The following DCLK2 variants were observed in gnomAD, a reference collection of about 807,000 sequenced individuals.
The protein encoded by DCLK2 is doublecortin like kinase 2.
A neutral mutation model predicts 78.4 loss-of-function variants in DCLK2; 31 were observed. That is an observed-to-expected ratio of 0.40 (90% CI 0.30 to 0.53). The LOEUF is 0.53. Ranked by LOEUF, DCLK2 falls within the 20% of genes least tolerant of loss-of-function variation. The pLI, the probability that DCLK2 is intolerant of heterozygous loss-of-function variation, is 0.61. For missense variants in DCLK2, 872 were observed against 973.7 expected (o/e 0.90, Z 1.39); for synonymous variants, 407 against 374.9 (o/e 1.09, Z -0.99).
chr4:150,132,739 C>A (rs1389550238), intron 2 of DCLK2, among the ~76,000 whole-genome samples: 3 of 152,148 alleles, frequency 2.0e-5, no homozygotes, highest in Admixed American at 6.6e-5. Flanking sequence ...ACTATAGGCA[C>A]ATGCTACTTC....
chr4:150,169,288 G>A (rs1247885386), intron 2 of DCLK2, among the ~76,000 whole-genome samples: 2 of 152,194 alleles, frequency 1.3e-5, no homozygotes, highest in Non-Finnish European at 2.9e-5. Context: ...AAAATGGACT[G>A]TTAAAAACTT....
chr4:150,186,934 T>C (rs141055323), intron 2 of DCLK2, among the ~76,000 whole-genome samples: 4 of 135,560 alleles, frequency 3.0e-5, no homozygotes, highest in African/African-American at 1.0e-4. Flanking sequence ...GTGTGTAGTC[T>C]CATATACTTG....
intron 1 of DCLK2, among the ~76,000 whole-genome samples, chr4:150,086,892 A>G (rs548715847): frequency 1.3e-5 from 2 of 152,300 alleles, no homozygotes; most frequent in East Asian, 1.9e-4. Context: ...CAGTGTCTAC[A>G]GGAGTTCTCT....
intron 2 of DCLK2, among the ~76,000 whole-genome samples, chr4:150,169,373 C>CA (rs1736337399): frequency 6.6e-6 from 1 of 152,112 alleles, no homozygotes; most frequent in Non-Finnish European, 1.5e-5. Context: ...GAAGTGGGTT[C>CA]AGAGGCCTGG....
At chr4:150,249,823 G>A (rs1743621423) in intron 15 of DCLK2, 139 bp downstream of exon 15, 1 of 732,070 alleles carries the variant, frequency 1.4e-6, no homozygotes, top group Non-Finnish European at 2.4e-6. Context: ...TTGGCATGTG[G>A]AGGGCACTCA....
At chr4:150,221,103 C>G (rs912060217) in intron 6 of DCLK2, among the ~76,000 whole-genome samples, 1 of 152,134 alleles carries the variant, frequency 6.6e-6, no homozygotes, top group Non-Finnish European at 1.5e-5. Context: ...GATTTGGTGT[C>G]TTCTGTGTGC....
In DCLK2 at chr4:150,125,152, A is replaced by G. The variant is rs1186327548; in HGVS notation, c.756+22340A>G. 3.3e-5 allele frequency among the ~76,000 whole-genome samples: 5 copies of G among 152,144 alleles called. No individual in the cohort carries two copies. The South Asian group carries it at 6.2e-4, about 19-fold the overall frequency. On this transcript the variant is annotated intron_variant, in intron 2 of 15. Transcript: ENST00000296550. ...GGTAGGTATATGGTTGTATTCCCAC[A>G]TAAGGAATGCCACAGAGACATTCAA... is the stretch of plus-strand genomic sequence containing the variant.
Position 150,092,251 on chromosome 4 carries a change from A to G in DCLK2, c.422-10227A>G, listed in dbSNP as rs991418178. Among the ~76,000 whole-genome samples, 4 of 152,174 alleles carry G rather than the reference A, an allele frequency of 2.6e-5. No individual in the cohort carries two copies. The East Asian group carries it at 7.7e-4, about 29-fold the overall frequency. On this transcript the variant is annotated intron_variant, in intron 1 of 15. Transcript: ENST00000296550. ...TGTTTTCATATCTTAGCTATTGTGA[A>G]TTATGGTGTAATGAGCATCAGAGTG... is the stretch of plus-strand genomic sequence containing the variant.
At chr4:150,213,599 AT>A (rs899783204) in intron 5 of DCLK2, among the ~76,000 whole-genome samples, 28 of 151,724 alleles carry the variant, frequency 1.8e-4, no homozygotes, top group East Asian at 1.5e-3. Context: ...TATCTAGTGT[AT>A]TTTTTTTTAA....
chr4:150,214,953 CAA>C (rs60156550), intron 5 of DCLK2, among the ~76,000 whole-genome samples: 1,415 of 86,448 alleles, frequency 0.016, 21 homozygotes, highest in African/African-American at 0.056. Context: ...CAGAGTGTCT[CAA>C]AAAAAAAAAA....
chr4:150,079,590 G>T (rs1729091962), intron 1 of DCLK2, 142 bp downstream of exon 1: 3 of 885,878 alleles, frequency 3.4e-6, no homozygotes, highest in Non-Finnish European at 1.6e-6. Context: ...CTAGAGATTG[G>T]CTGGGGGTGG....
chr4:150,188,710 G>C (rs1738144839), intron 2 of DCLK2, among the ~76,000 whole-genome samples: 1 of 151,794 alleles, frequency 6.6e-6, no homozygotes, highest in Non-Finnish European at 1.5e-5. Context: ...GACCATCCTG[G>C]CTAACATGGT....
intron 1 of DCLK2, among the ~76,000 whole-genome samples, chr4:150,093,843 A>G (rs1329610003): frequency 6.6e-6 from 1 of 152,246 alleles, no homozygotes; most frequent in Non-Finnish European, 1.5e-5. Flanking sequence ...AAACATTATG[A>G]TACTATCATA....
chr4:150,118,317 A>G (rs1197537806), intron 2 of DCLK2, among the ~76,000 whole-genome samples: 1 of 152,206 alleles, frequency 6.6e-6, no homozygotes, highest in Non-Finnish European at 1.5e-5. Flanking sequence ...ACCAGATAAA[A>G]AACCTGTGTA....
chr4:150,201,178 A>C (rs1054987468), intron 4 of DCLK2, among the ~76,000 whole-genome samples: 1 of 152,342 alleles, frequency 6.6e-6, no homozygotes, highest in East Asian at 1.9e-4. Context: ...AAGTATTCAA[A>C]GAAAACAAAA....
chr4:150,100,099 G>A (rs915687570), intron 1 of DCLK2, among the ~76,000 whole-genome samples: 2 of 152,150 alleles, frequency 1.3e-5, no homozygotes, highest in African/African-American at 2.4e-5. Context: ...TTTTAGTAGA[G>A]ACAGGATCTT....
chr4:150,196,667 C>CAA (rs11381700), intron 3 of DCLK2, among the ~76,000 whole-genome samples: 729 of 146,518 alleles, frequency 5.0e-3, no homozygotes, highest in African/African-American at 0.011. Flanking sequence ...TTCACTGGGG[C>CAA]AAAAAAAAAA....
At chr4:150,121,800 C>G (rs1732562659) in intron 2 of DCLK2, among the ~76,000 whole-genome samples, 3 of 152,188 alleles carry the variant, frequency 2.0e-5, no homozygotes, top group Admixed American at 2.0e-4. Flanking sequence ...ACTCCTTGAT[C>G]CAGGAGCTGC....
intron 1 of DCLK2, among the ~76,000 whole-genome samples, chr4:150,092,468 C>G (rs537864637): frequency 6.6e-6 from 1 of 152,134 alleles, no homozygotes; most frequent in African/African-American, 2.4e-5. Context: ...TCTCTAATAC[C>G]TTTTTTAAAA....
Sources: allele counts gnomAD v4.1 joint callset (sites outside exome capture counted in the v4.1 genomes callset), GRCh38; gene constraint gnomAD v4.1.1; transcripts MANE v1.5; gene names NCBI Gene and HGNC (gene_info 2026-07-23, HGNC 2026-07-21).